Variants in ITPR2 observed in about 807,000 individuals in gnomAD.
ITPR2 encodes the protein inositol 1,4,5-trisphosphate-gated calcium channel ITPR2.
Under a neutral mutation model 317.1 loss-of-function variants are expected in ITPR2, and 207 were observed. The observed-to-expected ratio is 0.65, with a 90% CI of 0.58 to 0.73. The LOEUF is 0.73. ITPR2 is among the 30% of genes least tolerant of loss of function. The pLI is 0.00. For synonymous variants in ITPR2, 1,156 were observed against 1,149.1 expected (o/e 1.01, Z -0.12); for missense variants, 2,613 against 3,284.0 (o/e 0.80, Z 4.99).
At position 26,443,582 on chromosome 12, in the gene ITPR2, T is replaced by G. The variant is rs932190383; in HGVS notation, c.6411A>C (p.Glu2137Asp). 2 of 1,612,952 alleles carry G rather than the reference T, an allele frequency of 1.2e-6. No homozygotes were observed. The highest frequency in any genetic ancestry group is 2.7e-5 in the African/African-American group (2 of 74,878). Residue 2137 changes from glutamate to aspartate, a missense_variant, in exon 46 of 57, where the codon GAA (glutamate) becomes GAC (aspartate). Glu to Asp is a conservative substitution (Grantham distance 45). This residue lies in a region of ITPR2 where 926 missense variants were observed against 1,072.8 expected (regional missense o/e 0.86). Transcript: ENST00000381340. ...KPGSDPDEGD[E>D]ALKYYANHTA... Reference sequence around the variant, plus strand: ...TGTGGTTGGCATAATACTTTAAGGCTTCATCTCCTTCATCTGGATCCGATC... The same window carrying G: ...TGTGGTTGGCATAATACTTTAAGGCGTCATCTCCTTCATCTGGATCCGATC...
At chr12:26,544,544 A>C (rs1944341097) in intron 37 of ITPR2, among the ~76,000 whole-genome samples, 1 of 148,976 alleles carries the variant, frequency 6.7e-6, no homozygotes, top group Non-Finnish European at 1.5e-5. Flanking sequence ...CCTATTTTTA[A>C]ATTTTTACCA....
At chr12:26,617,827 T>TA (rs767336038) in intron 26 of ITPR2, among the ~76,000 whole-genome samples, 5 of 151,382 alleles carry the variant, frequency 3.3e-5, no homozygotes, top group Admixed American at 6.6e-5. Flanking sequence ...AAGGAAAAAT[T>TA]ACAGGCTAAT....
Position 26,446,612 on chromosome 12 carries a change from A to C in ITPR2, c.6343-2962T>G, listed in dbSNP as rs564250983. 3.3e-5 allele frequency among the ~76,000 whole-genome samples: 5 copies of C among 152,100 alleles called. No homozygotes were observed. The South Asian group carries it at 1.0e-3, about 32-fold the overall frequency. ...CCTATACAAATCATTTTCAGTTAAT[A>C]TATACAGCTTAACAGAAACACAGAA... On this transcript the variant is annotated intron_variant, in intron 45 of 56. Transcript: ENST00000381340.
intron 54 of ITPR2, among the ~76,000 whole-genome samples, chr12:26,391,485 G>T (rs1348915200): frequency 6.6e-6 from 1 of 150,992 alleles, no homozygotes; most frequent in Non-Finnish European, 1.5e-5. Flanking sequence ...AGAAACAACG[G>T]CAAGCTTTAA....
intron 34 of ITPR2, among the ~76,000 whole-genome samples, chr12:26,566,152 A>AGG (rs1944976355): frequency 1.0e-5 from 1 of 99,490 alleles, no homozygotes; most frequent in Admixed American, 1.0e-4. Context: ...AGGAAAGGAG[A>AGG]AGGAGAGGAA....
intron 26 of ITPR2, among the ~76,000 whole-genome samples, chr12:26,616,262 C>T (rs1234258858): frequency 2.0e-5 from 3 of 152,112 alleles, no homozygotes; most frequent in African/African-American, 7.2e-5. Context: ...CTCAGCCTCC[C>T]GAGTAGCTGG....
At chr12:26,465,173 G>C (rs1942139378) in intron 45 of ITPR2, among the ~76,000 whole-genome samples, 1 of 152,248 alleles carries the variant, frequency 6.6e-6, no homozygotes, top group South Asian at 2.1e-4. Flanking sequence ...GCCAGAGAAA[G>C]AAATAGGAGC....
chr12:26,555,080 A>G (rs992405545), intron 36 of ITPR2, among the ~76,000 whole-genome samples: 1 of 152,200 alleles, frequency 6.6e-6, no homozygotes, highest in Non-Finnish European at 1.5e-5. Flanking sequence ...CTAAGACGCA[A>G]TGAGTCTAAA....
Position 26,567,952 on chromosome 12 carries a change from A to ATATATATATATATATATATTATATATAT in ITPR2, c.4631-6001_4631-6000insATATATATAATATATATATATATATATA, listed in dbSNP as rs1945021767. Among the ~76,000 whole-genome samples, 23 of 5,990 alleles carry ATATATATATATATATATATTATATATAT rather than the reference A, an allele frequency of 3.8e-3. 1 individual carries two copies. Among genetic ancestry groups the ATATATATATATATATATATTATATATAT allele is most frequent in the South Asian group, 5.9e-3 (1 of 170 alleles). The allele number at this position is 5,990 out of a possible 152,430, so 3.9% of individuals were successfully genotyped here. A position where few individuals can be genotyped will look rare whatever the true frequency, so the allele number is the denominator to read the frequency against. ...AAAAATTCTGGTATATATATATATT[A>ATATATATATATATATATATTATATATAT]TATATATATATATATATTATATATA... On this transcript the variant is annotated intron_variant, in intron 34 of 56. Transcript: ENST00000381340.
intron 21 of ITPR2, among the ~76,000 whole-genome samples, chr12:26,639,339 G>C (rs191595469): frequency 6.6e-6 from 1 of 152,266 alleles, no homozygotes; most frequent in Admixed American, 6.5e-5. Flanking sequence ...TACCCTTTGC[G>C]GAAGTAAAAT....
In ITPR2 at chr12:26,686,494, A is replaced by G. The variant is rs1428402454; in HGVS notation, c.1135T>C (p.Cys379Arg). 2.5e-6 allele frequency: 4 copies of G among 1,586,352 alleles called. No homozygotes were observed. Among genetic ancestry groups the G allele is most frequent in the Non-Finnish European group, 2.6e-6 (3 of 1,166,354 alleles). ...AATTTTTTTTACCTTGGAACCAGGC[A>G]GTCAGCTCTCTGAAGAGTTGTGGCA... The part of the protein sequence containing the change: ...LDATTLQRAD[C>R]LVPRNSYVRL... Residue 379 changes from cysteine (C) to arginine (R), a missense_variant, in exon 11 of 57, where the codon TGC becomes CGC. Physicochemically the swap from Cys to Arg is radical, Grantham distance 180. Transcript: ENST00000381340.
intron 37 of ITPR2, among the ~76,000 whole-genome samples, chr12:26,506,181 C>T (rs1943177713): frequency 6.7e-6 from 1 of 148,768 alleles, no homozygotes; most frequent in South Asian, 2.2e-4. Context: ...CCAGCCTAGG[C>T]AATATAGGGA....
intron 43 of ITPR2, among the ~76,000 whole-genome samples, chr12:26,479,866 G>A (rs1381797660): frequency 6.6e-6 from 1 of 152,096 alleles, no homozygotes; most frequent in Non-Finnish European, 1.5e-5. Flanking sequence ...ATGGGCCCAG[G>A]AGTTCAATAT....
chr12:26,466,343 A>G (rs939826860), intron 45 of ITPR2, among the ~76,000 whole-genome samples: 2 of 152,206 alleles, frequency 1.3e-5, no homozygotes, highest in African/African-American at 4.8e-5. Context: ...ATTAATGAAT[A>G]CTATAGGTAT....
chr12:26,528,891 C>T (rs758338929), intron 37 of ITPR2, among the ~76,000 whole-genome samples: 9 of 152,180 alleles, frequency 5.9e-5, no homozygotes, highest in Non-Finnish European at 7.3e-5. Flanking sequence ...ATGGCACTTC[C>T]ATTCTTCCAG....
intron 9 of ITPR2, among the ~76,000 whole-genome samples, chr12:26,701,632 C>T (rs909577345): frequency 1.3e-5 from 2 of 152,102 alleles, no homozygotes; most frequent in Non-Finnish European, 1.5e-5. Flanking sequence ...AGGCCCTTTT[C>T]ACATACTATG....
At position 26,550,562 on chromosome 12, in the gene ITPR2, T is replaced by G. The variant is rs182025068; in HGVS notation, c.4965-207A>C. Among the ~76,000 whole-genome samples, 115 of 152,300 alleles carry G rather than the reference T, an allele frequency of 7.6e-4. 1 individual carries two copies. The highest frequency in any genetic ancestry group is 7.4e-5 in the Non-Finnish European group (5 of 68,016). On this transcript the variant is annotated intron_variant, in intron 36 of 56. Transcript: ENST00000381340. The stretch of plus-strand genomic sequence containing the variant: ...TATTTTTGTCTTACAACAAAATATC[T>G]CAGGGCTTCTCAAACTTACTCAGGT...
In ITPR2 at chr12:26,686,537, T is replaced by C; in HGVS notation, c.1092A>G (p.Ala364=). 6.2e-7 allele frequency: 1 copy of C among 1,612,452 alleles called. No individual in the cohort carries two copies. Among genetic ancestry groups the C allele is most frequent in the South Asian group, 1.1e-5 (1 of 90,836 alleles). The part of the protein sequence containing the change: ...LVSVPHGNDI[A]SLFELDATTL... ...TTGTGGCATCTAGTTCAAAAAGGGATGCAATGTCATTGCCATGCGGGACTG... is the reference window on the plus strand; with the variant it reads ...TTGTGGCATCTAGTTCAAAAAGGGACGCAATGTCATTGCCATGCGGGACTG... The change falls in exon 11 of 57, where the codon GCA becomes GCG. Residue 364 remains alanine (A), a synonymous_variant. Coordinates refer to ENST00000381340, the MANE Select transcript of ITPR2 (RefSeq NM_002223.4).
At position 26,400,812 on chromosome 12, in the gene ITPR2, C is replaced by T. The variant is rs560921324; in HGVS notation, c.7400-554G>A. ...AGAGAGCGTGAACAAGGAAGCTTGCCTGGCTTCCAATTCTGCTCCGTTCCC... is the reference window on the plus strand; with the variant it reads ...AGAGAGCGTGAACAAGGAAGCTTGCTTGGCTTCCAATTCTGCTCCGTTCCC... On this transcript the variant is annotated intron_variant, in intron 52 of 56. Transcript: ENST00000381340. 3 of 152,336 alleles carry T rather than the reference C, an allele frequency of 2.0e-5. No individual in the cohort carries two copies. In the East Asian group the frequency reaches 5.8e-4, roughly 29 times the overall value. The allele number at this position is 152,336 out of a possible 1,614,324, so 9.4% of individuals were successfully genotyped here. A position where few individuals can be genotyped will look rare whatever the true frequency, so the allele number is the denominator to read the frequency against.
Sources: gnomAD v4.1 joint callset for allele counts (sites outside exome capture counted in the v4.1 genomes callset) on GRCh38, gnomAD v4.1.1 for gene constraint, gnomAD v4.1.1 regional missense constraint, MANE v1.5 for transcripts, NCBI Gene and HGNC (gene_info 2026-07-23, HGNC 2026-07-21) for gene names.